The following ALK variants were observed in gnomAD, a reference collection of about 807,000 sequenced individuals.
ALK encodes ALK tyrosine kinase receptor.
In ALK, 74 loss-of-function variants were observed where a neutral mutation model predicts 163.1. The observed-to-expected ratio is 0.45, with a 90% CI of 0.38 to 0.55. The LOEUF is 0.55. ALK is among the 20% of genes least tolerant of loss of function. The pLI, the probability that ALK is intolerant of heterozygous loss-of-function variation, is 0.00. For synonymous variants in ALK, 960 were observed against 843.2 expected (o/e 1.14, Z -2.40); for missense variants, 2,063 against 2,105.3 (o/e 0.98, Z 0.39).
At chr2:29,899,966 C>A (rs929510168) in intron 1 of ALK, among the ~76,000 whole-genome samples, 1 of 152,238 alleles carries the variant, frequency 6.6e-6, no homozygotes, top group Non-Finnish European at 1.5e-5. Flanking sequence ...TTACCATGGG[C>A]CAAGCACTGC....
At chr2:29,320,970 C>T (rs1667024383) in intron 6 of ALK, 88 bp from the exon 7 acceptor site, 1 of 1,501,368 alleles carries the variant, frequency 6.7e-7, no homozygotes, top group African/African-American at 1.4e-5. Flanking sequence ...CAGGCATGAC[C>T]AAATTATCTT....
chr2:29,402,056 C>A (rs1375676697), intron 4 of ALK, among the ~76,000 whole-genome samples: 4 of 152,314 alleles, frequency 2.6e-5, no homozygotes, highest in South Asian at 2.1e-4. Context: ...TGTTTTACAT[C>A]CCTCCCTTCA....
intron 2 of ALK, among the ~76,000 whole-genome samples, chr2:29,711,873 A>G (rs947825186): frequency 3.9e-5 from 6 of 152,060 alleles, no homozygotes; most frequent in Non-Finnish European, 8.8e-5. Flanking sequence ...CCACTTTGTG[A>G]AAAGTGTTTT....
At chr2:29,518,599 A>T (rs909256122) in intron 4 of ALK, among the ~76,000 whole-genome samples, 4 of 152,224 alleles carry the variant, frequency 2.6e-5, no homozygotes, top group Non-Finnish European at 5.9e-5. Flanking sequence ...CTTAAGCCAC[A>T]TCAGCGGGTG....
At chr2:29,496,020 C>G (rs1672012684) in intron 4 of ALK, among the ~76,000 whole-genome samples, 1 of 152,186 alleles carries the variant, frequency 6.6e-6, no homozygotes, top group Admixed American at 6.5e-5. Context: ...TTTTACAGAA[C>G]TCCTATGTTG....
At chr2:29,534,039 C>T (rs1043193358) in intron 3 of ALK, among the ~76,000 whole-genome samples, 1 of 152,014 alleles carries the variant, frequency 6.6e-6, no homozygotes, top group Admixed American at 6.5e-5. Context: ...CAGAGTAGGA[C>T]ACTGGAGAGA....
intron 1 of ALK, among the ~76,000 whole-genome samples, chr2:29,789,766 G>A (rs2148356577): frequency 6.6e-6 from 1 of 152,216 alleles, no homozygotes; most frequent in African/African-American, 2.4e-5. Flanking sequence ...ATTGATGTGG[G>A]GAGGTCCCAG....
intron 3 of ALK, among the ~76,000 whole-genome samples, chr2:29,678,804 A>G (rs898016121): frequency 6.6e-6 from 1 of 151,608 alleles, no homozygotes; most frequent in African/African-American, 2.4e-5. Context: ...ATGGCCTGGC[A>G]TATGGTCTAT....
At chr2:29,776,032 C>T (rs12619461) in intron 1 of ALK, among the ~76,000 whole-genome samples, 144,966 of 152,194 alleles carry the variant, frequency 0.95, 69,435 homozygotes, top group East Asian at 1. Context: ...TTTGAAGCAG[C>T]AAACCATGTT....
At chr2:29,404,680 T>C (rs555742202) in intron 4 of ALK, among the ~76,000 whole-genome samples, 24 of 152,346 alleles carry the variant, frequency 1.6e-4, no homozygotes, top group Admixed American at 1.2e-3. Flanking sequence ...TAGTAAGTAC[T>C]GGACAGAGAT....
intron 1 of ALK, among the ~76,000 whole-genome samples, chr2:29,903,423 C>G (rs1667465588): frequency 6.6e-6 from 1 of 152,184 alleles, no homozygotes; most frequent in South Asian, 2.1e-4. Flanking sequence ...TGAGCGCCTA[C>G]TACGTCCCTC....
chr2:29,739,240 TAAAAAAAAAAAAAA>T (rs57381961), intron 1 of ALK, among the ~76,000 whole-genome samples: 4 of 40,298 alleles, frequency 9.9e-5, no homozygotes, highest in Admixed American at 8.4e-4. Flanking sequence ...CAGTCTCTCT[TAAAAAAAAAAAAAA>T]AAAAAAAAAA....
chr2:29,862,912 C>A (rs1462945505), intron 1 of ALK, among the ~76,000 whole-genome samples: 1 of 151,574 alleles, frequency 6.6e-6, no homozygotes, highest in Non-Finnish European at 1.5e-5. Flanking sequence ...GGCACAAAAA[C>A]AGATGTATAG....
intron 1 of ALK, among the ~76,000 whole-genome samples, chr2:29,849,151 G>A (rs576763311): frequency 2.9e-4 from 44 of 152,190 alleles, no homozygotes; most frequent in African/African-American, 7.5e-4. Context: ...GGCCCCACTC[G>A]GGCCCCTCCT....
intron 26 of ALK, among the ~76,000 whole-genome samples, chr2:29,198,700 TGAC>T (rs1441745229): frequency 6.6e-6 from 1 of 152,214 alleles, no homozygotes; most frequent in Non-Finnish European, 1.5e-5. Flanking sequence ...TTAATAATAA[TGAC>T]AACTTTTGCT....
At chr2:29,823,906 G>T (rs1390516525) in intron 1 of ALK, among the ~76,000 whole-genome samples, 2 of 152,214 alleles carry the variant, frequency 1.3e-5, no homozygotes, top group Non-Finnish European at 2.9e-5. Context: ...AGACAATGGG[G>T]AAAATGTCTC....
At position 29,227,555 on chromosome 2, in the gene ALK, T is replaced by C. The variant is rs1489499396; in HGVS notation, c.2914+19A>G. 6.2e-6 allele frequency: 10 copies of C among 1,603,544 alleles called. No homozygotes were observed. The East Asian group carries it at 1.3e-4, about 21-fold the overall frequency. On this transcript the variant is annotated intron_variant, in intron 17 of 28. Transcript: ENST00000389048. The surrounding 1 kb of genome is among the most constrained non-coding windows in gnomAD (Gnocchi z 4.4). Reference sequence around the variant, plus strand: ...ACTGACCTAAGCAAGTTTGTTCTGCTGCCTGGCAGAGAAGCTACCTTTTAA... The same window carrying C: ...ACTGACCTAAGCAAGTTTGTTCTGCCGCCTGGCAGAGAAGCTACCTTTTAA...
At chr2:29,200,043 C>T (rs181503118) in intron 26 of ALK, among the ~76,000 whole-genome samples, 25 of 152,176 alleles carry the variant, frequency 1.6e-4, no homozygotes, top group East Asian at 1.9e-4. Flanking sequence ...ACAACTAATC[C>T]GAGACAGACT....
At chr2:29,354,957 G>A (rs11691955) in intron 5 of ALK, among the ~76,000 whole-genome samples, 12,773 of 151,938 alleles carry the variant, frequency 0.084, 602 homozygotes, top group Middle Eastern at 0.14. Context: ...TAGTAGAGAC[G>A]GGGTTTCACT....
Sources: allele counts gnomAD v4.1 joint callset (sites outside exome capture counted in the v4.1 genomes callset), GRCh38; gene constraint gnomAD v4.1.1; non-coding constraint Gnocchi (gnomAD v3.1); transcripts MANE v1.5; gene names NCBI Gene and HGNC (gene_info 2026-07-23, HGNC 2026-07-21).